The following CTNNA2 variants were observed in gnomAD, a reference collection of about 807,000 sequenced individuals.
The protein encoded by CTNNA2 is catenin alpha 2, also known as catenin alpha-2.
Under a neutral mutation model 101.0 loss-of-function variants are expected in CTNNA2, and 42 were observed. The observed-to-expected ratio is 0.42, with a 90% confidence interval of 0.32 to 0.54. The LOEUF is 0.54. CTNNA2 is among the 20% of genes least tolerant of loss of function. CTNNA2 has a pLI of 0.14. For missense variants in CTNNA2, 871 were observed against 1,223.1 expected, an observed-to-expected ratio of 0.71 and a Z score of 4.29; for synonymous variants, 450 against 456.4, an observed-to-expected ratio of 0.99 and a Z score of 0.18.
chr2:79,248,254 A>C (rs1156635482), intron 2 of CTNNA2, among the ~76,000 whole-genome samples: 1 of 152,216 alleles, frequency 6.6e-6, no homozygotes. Flanking sequence ...AACATAATGC[A>C]GGCCAGAAAT....
intron 7 of CTNNA2, among the ~76,000 whole-genome samples, chr2:80,277,263 C>T (rs73938260): frequency 0.019 from 2,879 of 152,186 alleles, 102 homozygotes; most frequent in African/African-American, 0.066. Context: ...ATGTGTTTGT[C>T]AGTCAGGAAG....
chr2:79,286,958 T>G (rs1000822346), intron 2 of CTNNA2, among the ~76,000 whole-genome samples: 1 of 152,224 alleles, frequency 6.6e-6, no homozygotes, highest in African/African-American at 2.4e-5. Context: ...TCATTTCTTT[T>G]TATTCTTTTT....
At chr2:79,287,979 G>T (rs532324034) in intron 2 of CTNNA2, among the ~76,000 whole-genome samples, 1 of 152,362 alleles carries the variant, frequency 6.6e-6, no homozygotes, top group Non-Finnish European at 1.5e-5. Flanking sequence ...GGTCGGAAAA[G>T]CGCAGTATCA....
intron 8 of CTNNA2, among the ~76,000 whole-genome samples, chr2:80,397,596 C>T (rs913186418): frequency 5.3e-5 from 8 of 152,140 alleles, no homozygotes; most frequent in Non-Finnish European, 8.8e-5. Flanking sequence ...TCTTGCCTGC[C>T]GCCGTGTATG....
chr2:79,521,553 A>G (rs570020311), intron 1 of CTNNA2, among the ~76,000 whole-genome samples: 27 of 152,236 alleles, frequency 1.8e-4, no homozygotes, highest in Admixed American at 1.1e-3. Flanking sequence ...CTAAATCAGG[A>G]TTTACTGGCT....
At chr2:80,267,117 G>T (rs1010365775) in intron 7 of CTNNA2, among the ~76,000 whole-genome samples, 1 of 152,052 alleles carries the variant, frequency 6.6e-6, no homozygotes, top group African/African-American at 2.4e-5. Context: ...CCTTCCCTGA[G>T]GGCTATATTA....
At chr2:79,380,975 T>A (rs1678032156) in intron 4 of CTNNA2, among the ~76,000 whole-genome samples, 1 of 152,194 alleles carries the variant, frequency 6.6e-6, no homozygotes, top group Non-Finnish European at 1.5e-5. Flanking sequence ...GGCAAAATTT[T>A]GAAGAAAAGT....
In CTNNA2 at chr2:80,157,794, T is replaced by G. The variant is rs150262588; in HGVS notation, c.1057-235417T>G. 7.7e-4 allele frequency among the ~76,000 whole-genome samples: 117 copies of G among 152,186 alleles called. No individual in the cohort carries two copies. In the East Asian group the frequency reaches 0.012, roughly 16 times the overall value. On this transcript the variant is annotated intron_variant, in intron 7 of 18. Transcript: ENST00000402739. Reference sequence around the variant, plus strand: ...ACACATTTGTGTCACAGGTGCCGATTCCTGCAGTTTACTGGTGTTCCACAC... The same window carrying G: ...ACACATTTGTGTCACAGGTGCCGATGCCTGCAGTTTACTGGTGTTCCACAC...
chr2:80,354,107 C>T (rs536563162), intron 7 of CTNNA2, among the ~76,000 whole-genome samples: 1 of 150,552 alleles, frequency 6.6e-6, no homozygotes, highest in African/African-American at 2.4e-5. Flanking sequence ...TCTTTCAGAA[C>T]TTCTTCTTAA....
In CTNNA2 at chr2:79,895,736, G is replaced by T. The variant is rs1470816388; in HGVS notation, c.853-13858G>T. Reference sequence around the variant, plus strand: ...GCTGCATGCCTTTTGACTATTTATGGGTATCGTAAGGGAGAGGATTTTGGA... The same window carrying T: ...GCTGCATGCCTTTTGACTATTTATGTGTATCGTAAGGGAGAGGATTTTGGA... On this transcript the variant is annotated intron_variant, in intron 6 of 18. Transcript: ENST00000402739. 2.7e-4 allele frequency among the ~76,000 whole-genome samples: 39 copies of T among 142,214 alleles called. 1 individual carries two copies. The highest frequency in any genetic ancestry group is 1.0e-3 in the African/African-American group (39 of 38,652). The allele number at this position is 142,214 out of a possible 152,430, so 93.3% of individuals were successfully genotyped here. A position where few individuals can be genotyped will look rare whatever the true frequency, so the allele number is the denominator to read the frequency against.
chr2:79,553,444 T>G (rs535416337), intron 1 of CTNNA2, among the ~76,000 whole-genome samples: 95 of 152,302 alleles, frequency 6.2e-4, no homozygotes, highest in African/African-American at 2.1e-3. Flanking sequence ...TGGTATGAAT[T>G]TTCTGTGTTG....
At chr2:80,268,917 C>T (rs1458361737) in intron 7 of CTNNA2, among the ~76,000 whole-genome samples, 3 of 152,110 alleles carry the variant, frequency 2.0e-5, no homozygotes, top group African/African-American at 4.8e-5. Context: ...CTCCTGCAAC[C>T]CTTTTCTGAA....
intron 3 of CTNNA2, among the ~76,000 whole-genome samples, chr2:79,823,049 A>G (rs1678139514): frequency 6.6e-6 from 1 of 152,138 alleles, no homozygotes; most frequent in African/African-American, 2.4e-5. Flanking sequence ...TGTCCTTTCC[A>G]CAGGGAAGAG....
chr2:79,858,375 C>T (rs1681310289), intron 4 of CTNNA2, among the ~76,000 whole-genome samples, 196 bp downstream of exon 4: 1 of 152,082 alleles, frequency 6.6e-6, no homozygotes, highest in African/African-American at 2.4e-5. Context: ...TTTTGTAAGA[C>T]TCACTTGAAT....
At chr2:80,629,059 G>A (rs780464147) in intron 18 of CTNNA2, among the ~76,000 whole-genome samples, 2 of 152,106 alleles carry the variant, frequency 1.3e-5, no homozygotes, top group African/African-American at 2.4e-5. Flanking sequence ...TGGTATTGAT[G>A]TGCACCATAC....
chr2:80,409,781 G>A (rs190636258), intron 8 of CTNNA2, among the ~76,000 whole-genome samples: 9 of 152,172 alleles, frequency 5.9e-5, no homozygotes, highest in Non-Finnish European at 1.0e-4. Flanking sequence ...CTCTCATTTC[G>A]TTTCTTTGGC....
chr2:79,273,386 T>A (rs1312427673), intron 2 of CTNNA2, among the ~76,000 whole-genome samples: 1 of 152,108 alleles, frequency 6.6e-6, no homozygotes, highest in Non-Finnish European at 1.5e-5. Flanking sequence ...TAGCCTGAGA[T>A]AACTTTGCCA....
rs560125697 is a variant in CTNNA2, at chr2:80,518,472, A to G, written c.1291-26510A>G. ...ATACCCCTGCCCCAACATATACATC[A>G]TGGATATTAGACATGTTGAAATGCA... On this transcript the variant is annotated intron_variant, in intron 9 of 18. Transcript: ENST00000402739. Among the ~76,000 whole-genome samples the G allele has an allele frequency of 7.2e-5, 11 of 152,304 alleles. No individual in the cohort carries two copies. The East Asian group carries it at 7.7e-4, about 11-fold the overall frequency.
At chr2:80,038,674 C>T (rs992945604) in intron 7 of CTNNA2, among the ~76,000 whole-genome samples, 2 of 152,010 alleles carry the variant, frequency 1.3e-5, no homozygotes, top group African/African-American at 2.4e-5. Flanking sequence ...GGTGAAACCC[C>T]GTCTCTACTA....
Sources: gnomAD v4.1 joint callset for allele counts (sites outside exome capture counted in the v4.1 genomes callset) on GRCh38, gnomAD v4.1.1 for gene constraint, MANE v1.5 for transcripts, NCBI Gene and HGNC (gene_info 2026-07-23, HGNC 2026-07-21) for gene names.